GAS7: variants seen among roughly 807,000 people sequenced by gnomAD.
The protein encoded by GAS7 is growth arrest specific 7.
In GAS7, 28 loss-of-function variants were observed where a neutral mutation model predicts 71.1. That is an observed-to-expected ratio of 0.39 (90% CI 0.29 to 0.54). GAS7 has a LOEUF of 0.54. Ranked by LOEUF, GAS7 falls within the 20% of genes least tolerant of loss-of-function variation. GAS7 has a pLI of 0.62. For synonymous variants in GAS7, 258 were observed against 245.8 expected, an observed-to-expected ratio of 1.05 and a Z score of -0.46; for missense variants, 436 against 627.8, an observed-to-expected ratio of 0.69 and a Z score of 3.27.
intron 13 of GAS7, among the ~76,000 whole-genome samples, 187 bp from the exon 14 acceptor site, chr17:9,917,528 T>A (rs998882798): frequency 6.6e-6 from 1 of 152,162 alleles, no homozygotes; most frequent in African/African-American, 2.4e-5. Flanking sequence ...GAACCCAGTA[T>A]GCATCCCGAC....
intron 3 of GAS7, among the ~76,000 whole-genome samples, chr17:9,975,949 T>C (rs748353875): frequency 9.9e-5 from 15 of 151,046 alleles, no homozygotes; most frequent in Admixed American, 2.0e-4. Flanking sequence ...TCTGATGACA[T>C]AGGGCACAAT....
At chr17:10,131,017 C>T (rs912956444) in intron 1 of GAS7, among the ~76,000 whole-genome samples, 2 of 152,180 alleles carry the variant, frequency 1.3e-5, no homozygotes, top group Non-Finnish European at 2.9e-5. Context: ...AATTATATCT[C>T]CATAAAGCCG....
At chr17:9,937,766 C>A (rs2068453173) in intron 8 of GAS7, among the ~76,000 whole-genome samples, 1 of 152,220 alleles carries the variant, frequency 6.6e-6, no homozygotes, top group East Asian at 1.9e-4. Flanking sequence ...CACAACCATC[C>A]CACAACAGAA....
intron 4 of GAS7, among the ~76,000 whole-genome samples, chr17:9,966,826 A>G (rs9909013): frequency 0.72 from 109,388 of 152,066 alleles, 39,558 homozygotes; most frequent in Middle Eastern, 0.81. Context: ...GATCACCTCC[A>G]TGAACAGCCA....
rs1251564970 is a variant in GAS7 at position 9,919,233 on chromosome 17, G to A, written c.1218+393C>T. 6.6e-6 allele frequency among the ~76,000 whole-genome samples: 1 copy of A among 152,094 alleles called. No individual in the cohort carries two copies. The highest frequency in any genetic ancestry group is 2.4e-5 in the African/African-American group (1 of 41,416). ...CCTCACCCATCCATCCACTTTGCAA[G>A]GATCTCCTACCAAGGACCTGCAACT... is the stretch of plus-strand genomic sequence containing the variant. On this transcript the variant is annotated intron_variant, in intron 12 of 13. Transcript: ENST00000432992. This position sits in a 1 kb window ranked among gnomAD's most constrained non-coding sequence, Gnocchi z 5.0.
chr17:10,025,302 C>A (rs1186406516), intron 1 of GAS7, among the ~76,000 whole-genome samples: 1 of 151,752 alleles, frequency 6.6e-6, no homozygotes, highest in East Asian at 1.9e-4. Context: ...TATCCAGTTA[C>A]CTTAAAGTTG....
chr17:10,111,170 A>G (rs1178231606), intron 1 of GAS7, among the ~76,000 whole-genome samples: 1 of 151,800 alleles, frequency 6.6e-6, no homozygotes, highest in East Asian at 1.9e-4. Flanking sequence ...GGAGGCTGAG[A>G]TGGGAGGATC....
At chr17:10,140,750 C>T (rs1452077579) in intron 1 of GAS7, among the ~76,000 whole-genome samples, 1 of 152,156 alleles carries the variant, frequency 6.6e-6, no homozygotes, top group Non-Finnish European at 1.5e-5. Context: ...GTGGGAGTGT[C>T]CCTAGAGAAG....
intron 1 of GAS7, among the ~76,000 whole-genome samples, chr17:10,071,808 G>A (rs9915453): frequency 0.05 from 7,646 of 151,566 alleles, 672 homozygotes; most frequent in African/African-American, 0.18. Context: ...ATGGTGGCAC[G>A]TGCCTGGAAT....
chr17:10,130,222 A>G (rs1262291557), intron 1 of GAS7, among the ~76,000 whole-genome samples: 1 of 151,960 alleles, frequency 6.6e-6, no homozygotes, highest in Non-Finnish European at 1.5e-5. Flanking sequence ...ATGAATGGTC[A>G]ATAAGGCACA....
chr17:10,082,667 T>C (rs1248154349), intron 1 of GAS7, among the ~76,000 whole-genome samples: 1 of 152,212 alleles, frequency 6.6e-6, no homozygotes, highest in Non-Finnish European at 1.5e-5. Context: ...AAAGTGAAAA[T>C]GTGTCCGAAA....
In GAS7 at chr17:9,995,550, A is replaced by C. The variant is rs578069234; in HGVS notation, c.305-13666T>G. Among the ~76,000 whole-genome samples the C allele has an allele frequency of 9.1e-3, 1,379 of 152,236 alleles. 16 individuals are homozygous for C. The highest frequency in any genetic ancestry group is 0.032 in the African/African-American group (1,317 of 41,514). On this transcript the variant is annotated intron_variant, in intron 2 of 13. Transcript: ENST00000432992. ...GCAAATGATCAATAACAAAAAAAAA[A>C]AAAAAAGATACTCATTCTCATTCAA...
chr17:9,973,932 G>C (rs762191946), intron 3 of GAS7, among the ~76,000 whole-genome samples: 2 of 152,080 alleles, frequency 1.3e-5, no homozygotes, highest in Non-Finnish European at 2.9e-5. Flanking sequence ...ATAATGCTGA[G>C]TCCCCATGAA....
At chr17:10,041,205 A>G (rs889157632) in intron 1 of GAS7, among the ~76,000 whole-genome samples, 2 of 151,938 alleles carry the variant, frequency 1.3e-5, no homozygotes, top group African/African-American at 4.8e-5. Context: ...ACTTCATTTG[A>G]ACCTAGATGG....
intron 11 of GAS7, among the ~76,000 whole-genome samples, chr17:9,921,196 AC>A (rs2067794362): frequency 1.4e-5 from 2 of 140,502 alleles, no homozygotes; most frequent in Admixed American, 7.7e-5. Context: ...TGGCTCTGTC[AC>A]CCAGGCTGGA....
Position 9,926,612 on chromosome 17 carries a change from G to GC in GAS7, c.1014+28dup. Reference sequence around the variant, plus strand: ...CTTCCAGGCAGTCCCCCATGCACCTGCCCTGGCCCAGCGTCCTGGGCCTCT... The same window carrying GC: ...CTTCCAGGCAGTCCCCCATGCACCTGCCCCTGGCCCAGCGTCCTGGGCCTCT... On this transcript the variant is annotated intron_variant, in intron 10 of 13. Transcript: ENST00000432992. The surrounding 1 kb of genome is among the most constrained non-coding windows in gnomAD (Gnocchi z 5.0). 1 of 1,610,164 alleles carries GC rather than the reference G, an allele frequency of 6.2e-7. No individual in the cohort carries two copies. The highest frequency in any genetic ancestry group is 8.5e-7 in the Non-Finnish European group (1 of 1,179,244).
Position 10,069,942 on chromosome 17 carries a change from C to A in GAS7, c.184-50045G>T, listed in dbSNP as rs963340095. Among the ~76,000 whole-genome samples, 4 of 152,184 alleles carry A rather than the reference C, an allele frequency of 2.6e-5. No homozygotes were observed. The South Asian group carries it at 8.3e-4, about 31-fold the overall frequency. On this transcript the variant is annotated intron_variant, in intron 1 of 13. Coordinates refer to ENST00000432992, the MANE Select transcript of GAS7 (RefSeq NM_201433.2). The stretch of plus-strand genomic sequence containing the variant: ...TGCTACCTGCTGAGGCCTGCCCTCA[C>A]CCGGCACCTCCCAAAACTTTCTCCT...
chr17:10,151,153 A>G (rs768635464), intron 1 of GAS7, among the ~76,000 whole-genome samples: 11 of 152,012 alleles, frequency 7.2e-5, no homozygotes, highest in Admixed American at 7.2e-4. Context: ...CAGATGTCAG[A>G]CTTCTTCTTT....
At chr17:9,943,063 CG>C (rs1008255019) in intron 7 of GAS7, 57 bp downstream of exon 7, 17 of 1,152,802 alleles carry the variant, frequency 1.5e-5, no homozygotes, top group African/African-American at 6.1e-5. Flanking sequence ...GCCCCGGCCA[CG>C]GGGCCCCGGG....
Sources: allele counts gnomAD v4.1 joint callset (sites outside exome capture counted in the v4.1 genomes callset), GRCh38; gene constraint gnomAD v4.1.1; non-coding constraint Gnocchi (gnomAD v3.1); transcripts MANE v1.5; gene names NCBI Gene and HGNC (gene_info 2026-07-23, HGNC 2026-07-21).